The following KCNH1 variants were observed in gnomAD, a reference collection of about 807,000 sequenced individuals.
The protein encoded by KCNH1 is voltage-gated delayed rectifier potassium channel KCNH1.
Under a neutral mutation model 69.2 loss-of-function variants are expected in KCNH1, and 27 were observed. The ratio of observed to expected loss-of-function variants is 0.39; its 90% CI spans 0.29 to 0.54. The LOEUF (loss-of-function observed/expected upper bound fraction) is 0.54, where lower values mean the gene tolerates loss of function less well. KCNH1 is among the 20% of genes least tolerant of loss of function. The pLI, the probability that KCNH1 is intolerant of heterozygous loss-of-function variation, is 0.68. For missense variants in KCNH1, 798 were observed against 1,261.6 expected (o/e 0.63, Z 5.57); for synonymous variants, 456 against 487.7 (o/e 0.93, Z 0.86).
At chr1:210,877,087 A>C (rs1686392270) in intron 7 of KCNH1, among the ~76,000 whole-genome samples, 1 of 142,692 alleles carries the variant, frequency 7.0e-6, no homozygotes, top group South Asian at 2.2e-4. Flanking sequence ...AAAAAAAGTC[A>C]CCACAAAGCC....
chr1:210,768,777 T>C (rs1683691912), intron 10 of KCNH1, among the ~76,000 whole-genome samples: 1 of 152,148 alleles, frequency 6.6e-6, no homozygotes, highest in Non-Finnish European at 1.5e-5. Flanking sequence ...AGCTAATTCA[T>C]ACATAATGAA....
chr1:211,010,739 G>T (rs1456360556), intron 6 of KCNH1, among the ~76,000 whole-genome samples: 1 of 152,142 alleles, frequency 6.6e-6, no homozygotes, highest in Admixed American at 6.6e-5. Context: ...ATTATCTGTG[G>T]CCCCTACTAG....
At chr1:210,921,762 C>T (rs1037880119) in intron 6 of KCNH1, among the ~76,000 whole-genome samples, 2 of 152,116 alleles carry the variant, frequency 1.3e-5, no homozygotes, top group African/African-American at 2.4e-5. Context: ...AGTGAGGCCT[C>T]GCATTGAAGG....
At chr1:211,080,488 C>T (rs569478660) in intron 5 of KCNH1, among the ~76,000 whole-genome samples, 3 of 152,156 alleles carry the variant, frequency 2.0e-5, no homozygotes, top group East Asian at 3.9e-4. Context: ...CATGTGGAAC[C>T]AAAAAGAGCC....
At chr1:210,796,154 C>CAAAAAAAAA (rs34606473) in intron 9 of KCNH1, among the ~76,000 whole-genome samples, 1 of 134,158 alleles carries the variant, frequency 7.5e-6, no homozygotes, top group African/African-American at 2.8e-5. Context: ...GATTCCGTCT[C>CAAAAAAAAA]AAAAAAAAAA....
rs116184228 is a variant in KCNH1, at chr1:210,797,915, T to C, written c.1663-155A>G. 6.3e-3 allele frequency among the ~76,000 whole-genome samples: 959 copies of C among 152,176 alleles called. 8 individuals carry two copies. Among genetic ancestry groups the C allele is most frequent in the African/African-American group, 0.02 (816 of 41,530 alleles). ...CTTATGGAGCTTATATTCTTATAGA[T>C]GAGACAGATAGCTTCTAAAAAAAAT... is the stretch of plus-strand genomic sequence containing the variant. On this transcript the variant is annotated intron_variant, in intron 8 of 10. Transcript: ENST00000271751.
intron 7 of KCNH1, among the ~76,000 whole-genome samples, chr1:210,882,121 G>A (rs1686507812): frequency 6.6e-6 from 1 of 152,100 alleles, no homozygotes; most frequent in African/African-American, 2.4e-5. Flanking sequence ...GGCTGTGCAT[G>A]GGTGGGGGTA....
At position 211,016,923 on chromosome 1, in the gene KCNH1, T is replaced by A. The variant is rs866249382; in HGVS notation, c.1032+1860A>T. ...GACTCTGTCTCAAAAAAAAAAAAAA[T>A]TTTAAAATTAAAAAAAAAAATTCTC... On this transcript the variant is annotated intron_variant, in intron 6 of 10. Transcript: ENST00000271751. Among the ~76,000 whole-genome samples the A allele has an allele frequency of 6.0e-3, 356 of 59,702 alleles. 2 individuals are homozygous for A. The highest frequency in any genetic ancestry group is 0.026 in the South Asian group (44 of 1,666). The allele number at this position is 59,702 out of a possible 152,430, so 39.2% of individuals were successfully genotyped here. A position where few individuals can be genotyped will look rare whatever the true frequency, so the allele number is the denominator to read the frequency against.
At chr1:210,833,228 C>A (rs866888896) in intron 7 of KCNH1, among the ~76,000 whole-genome samples, 4 of 152,042 alleles carry the variant, frequency 2.6e-5, no homozygotes, top group African/African-American at 7.2e-5. Context: ...GGGCACACAA[C>A]CTGAGAATTA....
rs558600944 is a variant in KCNH1 at position 210,960,875 on chromosome 1, T to C, written c.1033-40806A>G. Among the ~76,000 whole-genome samples the C allele has an allele frequency of 2.0e-5, 3 of 152,328 alleles. No homozygotes were observed. In the South Asian group the frequency reaches 6.2e-4, roughly 32 times the overall value. On this transcript the variant is annotated intron_variant, in intron 6 of 10. Transcript: ENST00000271751. ...CTATTTTATGTTCCTACCAGAAATG[T>C]AGGAGAGTTCTGGTTCCTCCATATC...
At chr1:211,121,160 A>G (rs867702368) in intron 1 of KCNH1, among the ~76,000 whole-genome samples, 6 of 152,246 alleles carry the variant, frequency 3.9e-5, no homozygotes, top group South Asian at 2.1e-4. Context: ...GACATTATTC[A>G]CAGAATTAGA....
chr1:210,980,484 G>A (rs1452406574), intron 6 of KCNH1, among the ~76,000 whole-genome samples: 2 of 152,176 alleles, frequency 1.3e-5, no homozygotes, highest in African/African-American at 2.4e-5. Context: ...ATCAATCTAG[G>A]AGGTTATGAG....
chr1:210,873,238 C>G (rs1474083798), intron 7 of KCNH1, among the ~76,000 whole-genome samples: 2 of 151,984 alleles, frequency 1.3e-5, no homozygotes, highest in Non-Finnish European at 2.9e-5. Context: ...TTCAACGTGA[C>G]CATATGACTT....
At chr1:210,949,214 A>G (rs1346968004) in intron 6 of KCNH1, among the ~76,000 whole-genome samples, 3 of 152,186 alleles carry the variant, frequency 2.0e-5, no homozygotes, top group Non-Finnish European at 4.4e-5. Flanking sequence ...CTCAGATTCA[A>G]ACATGAGTCA....
chr1:210,777,320 T>C (rs1046737276), intron 9 of KCNH1, among the ~76,000 whole-genome samples: 3 of 152,226 alleles, frequency 2.0e-5, no homozygotes, highest in African/African-American at 7.2e-5. Context: ...TAGACATTAC[T>C]TCACAATTCT....
In KCNH1 at chr1:210,683,284, G is replaced by C; in HGVS notation, c.2967C>G (p.Ser989Arg). The change falls in exon 11 of 11, where the codon AGC becomes AGG. Residue 989 changes from serine (S) to arginine (R), a missense_variant. Physicochemically the swap from Ser to Arg is moderately radical, Grantham distance 110. This residue lies in a region of KCNH1 where 331 missense variants were observed against 363.2 expected (regional missense o/e 0.91). Transcript: ENST00000271751. The surrounding 1 kb of genome is among the most constrained non-coding windows in gnomAD (Gnocchi z 5.7). ...ACTTTTTTTTTAAATAGACCTCTCA[G>C]CTGGCTCCAAAAATGTCTCTCTCTG... Reference protein sequence around the residue: ...PESERDIFGAS With the variant: ...PESERDIFGAR The C allele has an allele frequency of 6.2e-7, 1 of 1,612,618 alleles. No individual in the cohort carries two copies. The highest frequency in any genetic ancestry group is 1.3e-5 in the African/African-American group (1 of 74,842).
chr1:210,763,466 A>G (rs893121122), intron 10 of KCNH1, among the ~76,000 whole-genome samples: 2 of 152,014 alleles, frequency 1.3e-5, no homozygotes, highest in African/African-American at 4.8e-5. Flanking sequence ...TCTATATCTA[A>G]AAAACCCTAA....
intron 7 of KCNH1, among the ~76,000 whole-genome samples, chr1:210,831,557 G>A (rs543012971): frequency 6.6e-6 from 1 of 152,276 alleles, no homozygotes; most frequent in South Asian, 2.1e-4. Context: ...TAGGCCATCT[G>A]GGCCATGGCA....
chr1:210,744,471 C>T (rs1683102891), intron 10 of KCNH1, among the ~76,000 whole-genome samples: 1 of 152,128 alleles, frequency 6.6e-6, no homozygotes, highest in Non-Finnish European at 1.5e-5. Context: ...TAGTGAAACC[C>T]CATCTCTACT....
Sources: allele counts gnomAD v4.1 joint callset (sites outside exome capture counted in the v4.1 genomes callset), GRCh38; gene constraint gnomAD v4.1.1; regional missense constraint gnomAD v4.1.1; non-coding constraint Gnocchi (gnomAD v3.1); transcripts MANE v1.5; gene names NCBI Gene and HGNC (gene_info 2026-07-23, HGNC 2026-07-21).